ZNF605: variants seen among roughly 807,000 people sequenced by gnomAD.
The protein encoded by ZNF605 is zinc finger protein 605.
Under a neutral mutation model 7.9 loss-of-function variants are expected in ZNF605, and 9 were observed. That is an observed-to-expected ratio of 1.14 (90% CI 0.68 to 1.98). The LOEUF (loss-of-function observed/expected upper bound fraction) is 1.98. Ranked by LOEUF, ZNF605 falls within the 30% of genes most tolerant of loss-of-function variation. ZNF605 has a pLI of 0.00. For missense variants in ZNF605, 673 were observed against 762.4 expected (o/e 0.88, Z 1.38); for synonymous variants, 255 against 260.1 (o/e 0.98, Z 0.19).
chr12:132,926,805 T>C lies in ZNF605; in HGVS notation c.494A>G (p.His165Arg). The change falls in exon 5 of 5, where the codon CAC becomes CGC. Residue 165 changes from histidine (H) to arginine (R), a missense_variant. Transcript: ENST00000360187. ...TTCCATGCATAAATAGACTCCTGTGTGTGTTATGTGATTAGCAGTGAGCCA... is the reference window on the plus strand; with the variant it reads ...TTCCATGCATAAATAGACTCCTGTGCGTGTTATGTGATTAGCAGTGAGCCA... ...EPWLTANHIT[H>R]TGVYLCMECG... 1 of 1,614,156 alleles carries C rather than the reference T, an allele frequency of 6.2e-7. No individual in the cohort carries two copies. The highest frequency in any genetic ancestry group is 8.5e-7 in the Non-Finnish European group (1 of 1,180,028).
Position 132,923,568 on chromosome 12 carries a change from G to C in ZNF605, c.*1805C>G, listed in dbSNP as rs1952221580. The stretch of plus-strand genomic sequence containing the variant: ...CACCAGAAATATGCTGCCATTCTTT[G>C]TTCATGTGTATGTATTATCTTTTTT... On this transcript the variant is annotated 3_prime_UTR_variant, in exon 5 of 5. Coordinates refer to ENST00000360187, the MANE Select transcript of ZNF605 (RefSeq NM_183238.4). 6.6e-6 allele frequency: 1 copy of C among 152,104 alleles called. No homozygotes were observed. The allele number at this position is 152,104 out of a possible 1,614,324, so 9.4% of individuals were successfully genotyped here.
chr12:132,927,308 G>T, intron 4 of ZNF605, 146 bp from the exon 5 acceptor site: 1 of 529,318 alleles, frequency 1.9e-6, no homozygotes, highest in Non-Finnish European at 3.1e-6. Flanking sequence ...AATTTTAACA[G>T]AAATGAAAAT....
intron 3 of ZNF605, among the ~76,000 whole-genome samples, chr12:132,944,169 T>C (rs1952474783): frequency 6.6e-6 from 1 of 152,110 alleles, no homozygotes; most frequent in South Asian, 2.1e-4. Context: ...TTCCTCCTCC[T>C]GCTTTCCGGA....
At chr12:132,948,660 G>A (rs1397364725) in intron 1 of ZNF605, 3 of 152,246 alleles carry the variant, frequency 2.0e-5, no homozygotes, top group African/African-American at 2.4e-5. Context: ...TGAAGTCTCC[G>A]CTCCCCTGCC....
intron 4 of ZNF605, 77 bp from the exon 5 acceptor site, chr12:132,927,239 G>C: frequency 1.8e-6 from 2 of 1,090,722 alleles, no homozygotes; most frequent in Non-Finnish European, 2.5e-6. Context: ...TTCTGAAATG[G>C]CGCCATAATC....
intron 3 of ZNF605, among the ~76,000 whole-genome samples, chr12:132,935,111 G>T (rs1269619031): frequency 6.6e-6 from 1 of 152,140 alleles, no homozygotes; most frequent in Non-Finnish European, 1.5e-5. Context: ...AACCTAGAGA[G>T]GTAAGCAGAG....
intron 3 of ZNF605, among the ~76,000 whole-genome samples, chr12:132,944,447 G>A (rs1393984535): frequency 6.6e-6 from 1 of 152,216 alleles, no homozygotes; most frequent in African/African-American, 2.4e-5. Context: ...AAACAGAGCT[G>A]AACGCAGATC....
Position 132,926,634 on chromosome 12 carries a change from T to C in ZNF605, c.665A>G (p.Glu222Gly). The C allele has an allele frequency of 6.2e-7, 1 of 1,614,200 alleles. No individual in the cohort carries two copies. Among genetic ancestry groups the C allele is most frequent in the Non-Finnish European group, 8.5e-7 (1 of 1,180,032 alleles). The change falls in exon 5 of 5, where the codon GAA becomes GGA. Residue 222 changes from glutamate to glycine, a missense_variant. Glu to Gly is a moderately conservative substitution (Grantham distance 98). Transcript: ENST00000360187. ...LTVHQRTHSG[E>G]KPHGCSECQK... ...ACATTCGCTGCACCCATGCGGTTTT[T>C]CTCCTGAGTGAGTTCTTTGATGAAC... is the stretch of plus-strand genomic sequence containing the variant.
intron 1 of ZNF605, among the ~76,000 whole-genome samples, chr12:132,955,104 G>A (rs1222045121): frequency 6.6e-6 from 1 of 152,096 alleles, no homozygotes; most frequent in East Asian, 1.9e-4. Flanking sequence ...TGGAAGTGGG[G>A]AAAAAAAGAC....
intron 1 of ZNF605, among the ~76,000 whole-genome samples, chr12:132,951,518 C>A (rs1952566774): frequency 6.6e-6 from 1 of 151,018 alleles, no homozygotes; most frequent in Admixed American, 6.6e-5. Context: ...TACACACACA[C>A]TGATGTACAC....
intron 1 of ZNF605, among the ~76,000 whole-genome samples, chr12:132,954,770 C>G (rs1445603503): frequency 2.0e-5 from 3 of 151,972 alleles, no homozygotes; most frequent in Non-Finnish European, 2.9e-5. Context: ...TTGTGGGGCT[C>G]TGCACAAATG....
rs1354068731 is a variant in ZNF605 at position 132,933,394 on chromosome 12, TG to T, written c.16-240del. Among the ~76,000 whole-genome samples, 23 of 152,126 alleles carry T rather than the reference TG, an allele frequency of 1.5e-4. No homozygotes were observed. The highest frequency in any genetic ancestry group is 2.4e-4 in the Non-Finnish European group (16 of 68,034). ...CTTCCAAGACTAGGTTAGAAAGAAA[TG>T]CAACTTCTATCCTGGGCACTCTCTC... On this transcript the variant is annotated intron_variant, in intron 3 of 4. Coordinates refer to ENST00000360187, the MANE Select transcript of ZNF605 (RefSeq NM_183238.4). The surrounding 1 kb of genome is among the most constrained non-coding windows in gnomAD (Gnocchi z 4.4).
chr12:132,929,362 G>A (rs1027882457), intron 4 of ZNF605, among the ~76,000 whole-genome samples: 4 of 152,152 alleles, frequency 2.6e-5, no homozygotes, highest in African/African-American at 4.8e-5. Context: ...GTCAGCCTGC[G>A]TGACTGAGTG....
intron 3 of ZNF605, among the ~76,000 whole-genome samples, chr12:132,935,411 G>A (rs568624363): frequency 7.6e-4 from 116 of 152,284 alleles, no homozygotes; most frequent in African/African-American, 2.7e-3. Context: ...CTCAACTCCA[G>A]TATAGATGTG....
intron 3 of ZNF605, among the ~76,000 whole-genome samples, chr12:132,934,375 T>C (rs1952339510): frequency 6.6e-6 from 1 of 152,094 alleles, no homozygotes; most frequent in South Asian, 2.1e-4. Flanking sequence ...CCAGCTATTT[T>C]AGGTATCTTC....
In ZNF605 at chr12:132,945,705, G is replaced by T; in HGVS notation, c.-70C>A. The T allele has an allele frequency of 1.9e-6, 3 of 1,609,914 alleles. No homozygotes were observed. Among genetic ancestry groups the T allele is most frequent in the Non-Finnish European group, 2.6e-6 (3 of 1,176,126 alleles). On this transcript the variant is annotated 5_prime_UTR_variant, in exon 3 of 5. Coordinates refer to ENST00000360187, the MANE Select transcript of ZNF605 (RefSeq NM_183238.4). ...GTCCTGACACCCTGGAGTGGCCTCT[G>T]GTCAGTGGTCTGTAAACTGAGAATA... is the stretch of plus-strand genomic sequence containing the variant.
intron 1 of ZNF605, among the ~76,000 whole-genome samples, chr12:132,954,098 C>A (rs968811475): frequency 6.6e-6 from 1 of 151,808 alleles, no homozygotes; most frequent in Non-Finnish European, 1.5e-5. Flanking sequence ...CCTCCACAGG[C>A]CCCCAGACAC....
intron 3 of ZNF605, among the ~76,000 whole-genome samples, chr12:132,936,215 T>C (rs1332859042): frequency 6.6e-6 from 1 of 151,730 alleles, no homozygotes; most frequent in African/African-American, 2.4e-5. Context: ...TAAAAATGAA[T>C]AAGCAGATTT....
In ZNF605 at chr12:132,923,471, G is replaced by T. The variant is rs1593577254; in HGVS notation, c.*1902C>A. On this transcript the variant is annotated 3_prime_UTR_variant, in exon 5 of 5. Transcript: ENST00000360187. ...TTTGACAGTAACAGAATTCTAGGTT[G>T]CAGGGTTTGTTGTTTATTTCATTAA... 2.6e-5 allele frequency: 4 copies of T among 152,172 alleles called. No individual in the cohort carries two copies. Among genetic ancestry groups the T allele is most frequent in the Admixed American group, 2.6e-4 (4 of 15,278 alleles). The allele number at this position is 152,172 out of a possible 1,614,324, so 9.4% of individuals were successfully genotyped here.
Sources: gnomAD v4.1 joint callset for allele counts (sites outside exome capture counted in the v4.1 genomes callset) on GRCh38, gnomAD v4.1.1 for gene constraint, Gnocchi (gnomAD v3.1) non-coding constraint, MANE v1.5 for transcripts, NCBI Gene and HGNC (gene_info 2026-07-23, HGNC 2026-07-21) for gene names.